Variants in MDM2 observed in about 807,000 individuals in gnomAD.
MDM2 encodes the protein E3 ubiquitin-protein ligase Mdm2.
MDM2 carries 11 observed loss-of-function variants against 64.3 expected under a neutral mutation model. That is an observed-to-expected ratio of 0.17 (90% CI 0.11 to 0.28). MDM2 has a LOEUF of 0.28. Among genes scored for constraint, MDM2 ranks in the 10% least tolerant of loss-of-function variants. The pLI is 1.00. For missense variants in MDM2, 388 were observed against 577.1 expected (o/e 0.67, Z 3.36); for synonymous variants, 194 against 192.9 (o/e 1.01, Z -0.05).
chr12:68,813,549 T>C lies in MDM2; in HGVS notation c.100-5T>C. On this transcript the variant is annotated splice_region_variant and splice_polypyrimidine_tract_variant and intron_variant, in intron 2 of 10. Transcript: ENST00000258149. Reference sequence around the variant, plus strand: ...AGTATAATAGCAGTTCTTTTCTCTTTATAGGTTAGACCAAAGCCATTGCTT... The same window carrying C: ...AGTATAATAGCAGTTCTTTTCTCTTCATAGGTTAGACCAAAGCCATTGCTT... 1.9e-6 allele frequency: 3 copies of C among 1,609,068 alleles called. No homozygotes were observed. Among genetic ancestry groups the C allele is most frequent in the Non-Finnish European group, 2.6e-6 (3 of 1,176,104 alleles).
At chr12:68,809,878 CCA>C (rs1264547553) in intron 2 of MDM2, among the ~76,000 whole-genome samples, 4 of 152,112 alleles carry the variant, frequency 2.6e-5, no homozygotes, top group African/African-American at 9.7e-5. Flanking sequence ...GCATAGTATT[CCA>C]CAGCATGAGT....
downstream of MDM2, chr12:68,850,488 A>AAAC (rs1355621671): frequency 1.3e-5 from 2 of 152,162 alleles, no homozygotes; most frequent in African/African-American, 4.8e-5. Flanking sequence ...TGTCTCATTT[A>AAAC]AACTATTATT....
At chr12:68,815,564 C>G (rs1051361394) in intron 3 of MDM2, 4 of 297,036 alleles carry the variant, frequency 1.3e-5, no homozygotes, top group African/African-American at 9.2e-5. Flanking sequence ...ACCTCAGTGT[C>G]TGCAGTAGCT....
intron 3 of MDM2, among the ~76,000 whole-genome samples, chr12:68,816,237 C>G (rs1881359113): frequency 6.6e-6 from 1 of 151,740 alleles, no homozygotes; most frequent in South Asian, 2.1e-4. Context: ...ATGTTAGTAT[C>G]TAAGTATCTG....
intron 1 of MDM2, chr12:68,808,988 G>T: frequency 7.0e-7 from 1 of 1,433,944 alleles, no homozygotes; most frequent in Non-Finnish European, 9.1e-7. Flanking sequence ...TCTCCAGCTG[G>T]GGCTATTTAA....
chr12:68,842,306 C>T lies in MDM2; in HGVS notation c.*2457C>T, dbSNP rs1321537777. ...AAGTCAGGCAAAACTCATCTTGACC[C>T]CTGTTGCAGGCAAAGGAACGCAGCT... On this transcript the variant is annotated 3_prime_UTR_variant, in exon 11 of 11. Transcript: ENST00000258149. The T allele has an allele frequency of 2.0e-6, 1 of 495,960 alleles. No individual in the cohort carries two copies. Among genetic ancestry groups the T allele is most frequent in the East Asian group, 4.7e-5 (1 of 21,302 alleles). 30.7% of individuals were successfully genotyped at this position (495,960 alleles called of 1,614,324 possible).
At position 68,839,902 on chromosome 12, in the gene MDM2, T is replaced by A. The variant is rs777043921; in HGVS notation, c.*53T>A. On this transcript the variant is annotated 3_prime_UTR_variant, in exon 11 of 11. Coordinates refer to ENST00000258149, the MANE Select transcript of MDM2 (RefSeq NM_002392.6). ...TTTCTAACTATATAACCCTAGGAAT[T>A]TAGACAACCTGAAATTTATTCACAT... is the stretch of plus-strand genomic sequence containing the variant. The A allele has an allele frequency of 1.3e-6, 2 of 1,484,706 alleles. No individual in the cohort carries two copies. The highest frequency in any genetic ancestry group is 1.8e-6 in the Non-Finnish European group (2 of 1,095,470). The allele number at this position is 1,484,706 out of a possible 1,614,324, so 92.0% of individuals were successfully genotyped here.
rs1157661809 is a variant in MDM2, at chr12:68,808,428, G to T, written c.-50G>T. 9 of 1,613,634 alleles carry T rather than the reference G, an allele frequency of 5.6e-6. No individual in the cohort carries two copies. The highest frequency in any genetic ancestry group is 7.6e-6 in the Non-Finnish European group (9 of 1,179,844). ...TCGTGCTTCCGCGCGCCCCGTGAAGGAAACTGGGGAGTCTTGAGGGACCCC... is the reference window on the plus strand; with the variant it reads ...TCGTGCTTCCGCGCGCCCCGTGAAGTAAACTGGGGAGTCTTGAGGGACCCC... On this transcript the variant is annotated 5_prime_UTR_variant, in exon 1 of 11. Transcript: ENST00000258149.
rs1384281229 is a variant in MDM2, at chr12:68,841,784, T to G, written c.*1935T>G. 4.9e-6 allele frequency: 1 copy of G among 205,404 alleles called. No homozygotes were observed. The highest frequency in any genetic ancestry group is 5.9e-5 in the Admixed American group (1 of 16,866). The allele number at this position is 205,404 out of a possible 1,614,324, so 12.7% of individuals were successfully genotyped here. A position where few individuals can be genotyped will look rare whatever the true frequency, so the allele number is the denominator to read the frequency against. On this transcript the variant is annotated 3_prime_UTR_variant, in exon 11 of 11. Transcript: ENST00000258149. ...TTTAAAAACTAACTGGAAAGATTGT[T>G]AAGTTCTTTCTGAATTATTCAGAAA...
chr12:68,828,917 A>G lies in MDM2; in HGVS notation c.670A>G (p.Thr224Ala), dbSNP rs746732648. ...ERSSSSESTG[T>A]PSNPDLDAGV... The stretch of plus-strand genomic sequence containing the variant: ...AAGCAGTAGCAGTGAATCTACAGGG[A>G]CGCCATCGAATCCGGTAATGTTCTC... The change falls in exon 8 of 11, where the codon ACG (threonine) becomes GCG (alanine). Residue 224 changes from threonine to alanine, a missense_variant. Physicochemically the swap from Thr to Ala is moderately conservative, Grantham distance 58 (BLOSUM62 0). Transcript: ENST00000258149. The G allele has an allele frequency of 2.5e-6, 4 of 1,613,922 alleles. No individual in the cohort carries two copies. In the South Asian group the frequency reaches 4.4e-5, roughly 18 times the overall value.
At chr12:68,814,328 A>G (rs1261586256) in intron 3 of MDM2, among the ~76,000 whole-genome samples, 1 of 152,242 alleles carries the variant, frequency 6.6e-6, no homozygotes, top group Non-Finnish European at 1.5e-5. Context: ...TGCTGGGATT[A>G]TAGGCATGAG....
intron 2 of MDM2, among the ~76,000 whole-genome samples, chr12:68,811,267 T>C (rs967937518): frequency 6.6e-5 from 10 of 152,230 alleles, no homozygotes; most frequent in African/African-American, 2.4e-4. Context: ...GGAGTAGCTC[T>C]ATGTGTTTCA....
At chr12:68,824,947 G>A (rs188803830) in intron 7 of MDM2, among the ~76,000 whole-genome samples, 3 of 152,264 alleles carry the variant, frequency 2.0e-5, no homozygotes, top group South Asian at 2.1e-4. Context: ...CCTGGCTCAC[G>A]CCTGTAATCC....
At position 68,808,220 on chromosome 12, in the gene MDM2, G is replaced by A. The variant is rs1488325326; in HGVS notation, c.-258G>A. On this transcript the variant is annotated 5_prime_UTR_variant, in exon 1 of 11. Transcript: ENST00000258149. ...CGCGGCGAGCTTGGCTGCTTCTGGG[G>A]CCTGTGTGGCCCTGTGTGTCGGAAA... 7.3e-6 allele frequency: 4 copies of A among 545,712 alleles called. No individual in the cohort carries two copies. Among genetic ancestry groups the A allele is most frequent in the Admixed American group, 3.7e-5 (1 of 27,022 alleles). The allele number at this position is 545,712 out of a possible 1,614,324, so 33.8% of individuals were successfully genotyped here. A position where few individuals can be genotyped will look rare whatever the true frequency, so the allele number is the denominator to read the frequency against.
intron 1 of MDM2, 136 bp from the exon 2 acceptor site, chr12:68,809,072 T>A: frequency 6.7e-7 from 1 of 1,502,698 alleles, no homozygotes; most frequent in South Asian, 1.4e-5. Flanking sequence ...CGCCACTTTT[T>A]CTCTGCTGAT....
intron 3 of MDM2, among the ~76,000 whole-genome samples, chr12:68,816,269 GA>G (rs1245246910): frequency 4.7e-5 from 7 of 149,446 alleles, no homozygotes; most frequent in African/African-American, 1.7e-4. Flanking sequence ...AGTCTACAAG[GA>G]AAAAAACCTC....
Position 68,808,333 on chromosome 12 carries a change from C to A in MDM2, c.-145C>A. 9.5e-7 allele frequency: 1 copy of A among 1,057,060 alleles called. No homozygotes were observed. The highest frequency in any genetic ancestry group is 2.6e-5 in the East Asian group (1 of 38,618). The allele number at this position is 1,057,060 out of a possible 1,614,324, so 65.5% of individuals were successfully genotyped here. ...TTCGCAGCCAGGAGCACCGTCCCTC[C>A]CCGGATTAGTGCGTACGAGCGCCCA... On this transcript the variant is annotated 5_prime_UTR_variant, in exon 1 of 11. Transcript: ENST00000258149.
chr12:68,834,610 G>A (rs991370145), intron 8 of MDM2, among the ~76,000 whole-genome samples: 2 of 148,812 alleles, frequency 1.3e-5, no homozygotes, highest in Non-Finnish European at 3.0e-5. Flanking sequence ...GGTGGCATGC[G>A]CCTGTAGTCC....
chr12:68,841,478 A>G lies in MDM2; in HGVS notation c.*1629A>G, dbSNP rs1883761978. 4.8e-6 allele frequency: 1 copy of G among 209,066 alleles called. No individual in the cohort carries two copies. The highest frequency in any genetic ancestry group is 2.3e-5 in the African/African-American group (1 of 43,902). The allele number at this position is 209,066 out of a possible 1,614,324, so 13.0% of individuals were successfully genotyped here. A position where few individuals can be genotyped will look rare whatever the true frequency, so the allele number is the denominator to read the frequency against. On this transcript the variant is annotated 3_prime_UTR_variant, in exon 11 of 11. Transcript: ENST00000258149. ...GGGAGTAATGATGTTATCTGTGAAAATAGCCACCATTTACCCGTAAGACAA... is the reference window on the plus strand; with the variant it reads ...GGGAGTAATGATGTTATCTGTGAAAGTAGCCACCATTTACCCGTAAGACAA...
Sources: allele counts gnomAD v4.1 joint callset (sites outside exome capture counted in the v4.1 genomes callset), GRCh38; gene constraint gnomAD v4.1.1; transcripts MANE v1.5; gene names NCBI Gene and HGNC (gene_info 2026-07-23, HGNC 2026-07-21).